ANP32B: variants seen among roughly 807,000 people sequenced by gnomAD.
ANP32B encodes the protein acidic leucine-rich nuclear phosphoprotein 32 family member B.
A neutral mutation model predicts 32.2 loss-of-function variants in ANP32B; 6 were observed. That is an observed-to-expected ratio of 0.19 (90% CI 0.10 to 0.37). ANP32B has a LOEUF of 0.37. ANP32B is among the 10% of genes least tolerant of loss of function. ANP32B has a pLI of 1.00. For missense variants in ANP32B, 204 were observed against 289.2 expected (o/e 0.71, Z 2.14); for synonymous variants, 98 against 105.8 (o/e 0.93, Z 0.45).
Position 97,983,538 on chromosome 9 carries a change from AG to A in ANP32B, c.-12del. 2.6e-6 allele frequency: 4 copies of A among 1,564,268 alleles called. No homozygotes were observed. The highest frequency in any genetic ancestry group is 1.4e-5 in the African/African-American group (1 of 72,596). ...CCGCCGCGGAAAGTTAAGTTTGAAG[AG>A]GGGGGAAGAGGGGAACATGGACATG... On this transcript the variant is annotated 5_prime_UTR_variant, in exon 1 of 7. Transcript: ENST00000339399.
At chr9:98,012,299 G>C in intron 5 of ANP32B, 122 bp from the exon 6 acceptor site, 1 of 1,166,870 alleles carries the variant, frequency 8.6e-7, no homozygotes, top group Non-Finnish European at 1.2e-6. Flanking sequence ...TAACATTACA[G>C]TTTCCTGCTT....
At chr9:97,990,391 C>T (rs1357046141) in intron 1 of ANP32B, among the ~76,000 whole-genome samples, 1 of 152,244 alleles carries the variant, frequency 6.6e-6, no homozygotes, top group African/African-American at 2.4e-5. Flanking sequence ...TTTAGACCTG[C>T]TATCCTTGGG....
intron 1 of ANP32B, 136 bp from the exon 2 acceptor site, chr9:97,994,494 CT>C: frequency 1.4e-6 from 1 of 731,512 alleles, no homozygotes; most frequent in South Asian, 2.0e-5. Context: ...CTTTTTATAA[CT>C]ATGATCTAGG....
chr9:97,987,840 C>T (rs1199200874), intron 1 of ANP32B, among the ~76,000 whole-genome samples: 1 of 152,142 alleles, frequency 6.6e-6, no homozygotes, highest in Non-Finnish European at 1.5e-5. Flanking sequence ...CAGCTTTTGA[C>T]CTCTTTTGTT....
intron 4 of ANP32B, among the ~76,000 whole-genome samples, chr9:98,008,972 A>G (rs1179090355): frequency 1.3e-5 from 2 of 152,188 alleles, no homozygotes; most frequent in Admixed American, 6.5e-5. Context: ...CTACTGCACT[A>G]CAGTCATCAT....
intron 2 of ANP32B, 46 bp downstream of exon 2, chr9:97,994,826 G>T: frequency 6.5e-7 from 1 of 1,537,482 alleles, no homozygotes; most frequent in Non-Finnish European, 8.8e-7. Context: ...TCCTGGGAAG[G>T]GAAAATGTAT....
chr9:98,002,496 T>C (rs1828009823), intron 3 of ANP32B: 1 of 152,262 alleles, frequency 6.6e-6, no homozygotes, highest in South Asian at 2.1e-4. Context: ...AATCAGTATT[T>C]ACACATTACA....
At chr9:98,013,444 C>T (rs1828221965) in intron 6 of ANP32B, among the ~76,000 whole-genome samples, 1 of 152,194 alleles carries the variant, frequency 6.6e-6, no homozygotes, top group Non-Finnish European at 1.5e-5. Context: ...ATTGAACCAT[C>T]ATTTTCAGGA....
chr9:98,015,320 A>G, intron 6 of ANP32B, 44 bp from the exon 7 acceptor site: 14 of 1,545,586 alleles, frequency 9.1e-6, no homozygotes, highest in Non-Finnish European at 1.2e-5. Context: ...ATCTAAGCAA[A>G]ATGCCTTTCC....
chr9:97,998,702 C>T, intron 3 of ANP32B, 24 bp downstream of exon 3: 2 of 1,501,978 alleles, frequency 1.3e-6, no homozygotes, highest in Non-Finnish European at 1.8e-6. Context: ...AATTTGGAAA[C>T]TGGAACTTAC....
chr9:98,015,190 C>T (rs759876541), intron 6 of ANP32B, among the ~76,000 whole-genome samples, 174 bp from the exon 7 acceptor site: 8 of 152,240 alleles, frequency 5.3e-5, no homozygotes, highest in African/African-American at 1.7e-4. Context: ...TTTTGCTTTT[C>T]TTGGTTCTGT....
chr9:98,004,357 G>T lies in ANP32B; in HGVS notation c.328-607G>T, dbSNP rs186723279. Reference sequence around the variant, plus strand: ...AAAAAGAAGAGTGCAATGTTTCTCCGTATTTCCGAAGTTTCAACTCTGCGC... The same window carrying T: ...AAAAAGAAGAGTGCAATGTTTCTCCTTATTTCCGAAGTTTCAACTCTGCGC... On this transcript the variant is annotated intron_variant, in intron 3 of 6. Coordinates refer to ENST00000339399, the MANE Select transcript of ANP32B (RefSeq NM_006401.3). 1.1e-3 allele frequency among the ~76,000 whole-genome samples: 163 copies of T among 152,220 alleles called. 1 individual carries two copies. Among genetic ancestry groups the T allele is most frequent in the Admixed American group, 1.9e-3 (29 of 15,288 alleles).
At chr9:98,013,688 C>G (rs1212185918) in intron 6 of ANP32B, among the ~76,000 whole-genome samples, 9 of 152,044 alleles carry the variant, frequency 5.9e-5, no homozygotes, top group Admixed American at 3.9e-4. Context: ...CACCTGAGGT[C>G]AGGAGTTCGA....
chr9:97,992,932 A>G (rs1827852186), intron 1 of ANP32B, among the ~76,000 whole-genome samples: 1 of 152,220 alleles, frequency 6.6e-6, no homozygotes, highest in Non-Finnish European at 1.5e-5. Context: ...AAACTGAGGC[A>G]CAGAGAAGTT....
intron 1 of ANP32B, among the ~76,000 whole-genome samples, chr9:97,985,419 G>A (rs1235708991): frequency 6.6e-6 from 1 of 152,180 alleles, no homozygotes; most frequent in African/African-American, 2.4e-5. Context: ...GGTCGCGGGC[G>A]TGCGTTCTTC....
intron 2 of ANP32B, among the ~76,000 whole-genome samples, chr9:97,998,114 A>AGTGT: frequency 6.6e-6 from 1 of 151,974 alleles, no homozygotes; most frequent in Middle Eastern, 3.4e-3. Flanking sequence ...AGAACTCTAC[A>AGTGT]GTGTATGTCA....
chr9:98,002,616 G>A lies in ANP32B; in HGVS notation c.328-2348G>A, dbSNP rs369857406. ...AGTACTACAGTTATTTGGGATTTTT[G>A]TTGTTTTCTTGCTTTCATTTCATTT... On this transcript the variant is annotated intron_variant, in intron 3 of 6. Coordinates refer to ENST00000339399, the MANE Select transcript of ANP32B (RefSeq NM_006401.3). Among the ~76,000 whole-genome samples the A allele has an allele frequency of 7.2e-5, 11 of 152,180 alleles. No individual in the cohort carries two copies. The East Asian group carries it at 1.5e-3, about 21-fold the overall frequency.
intron 4 of ANP32B, among the ~76,000 whole-genome samples, chr9:98,010,112 G>A (rs1290820321): frequency 2.0e-5 from 3 of 152,122 alleles, no homozygotes; most frequent in African/African-American, 7.2e-5. Flanking sequence ...TCCTTGGAAG[G>A]TGGGGGGCAG....
intron 2 of ANP32B, among the ~76,000 whole-genome samples, chr9:97,996,988 T>G (rs906350211): frequency 6.6e-6 from 1 of 152,218 alleles, no homozygotes; most frequent in Non-Finnish European, 1.5e-5. Flanking sequence ...TCTATTTCAT[T>G]TCAAAATAAA....
Sources: gnomAD v4.1 joint callset for allele counts (sites outside exome capture counted in the v4.1 genomes callset) on GRCh38, gnomAD v4.1.1 for gene constraint, MANE v1.5 for transcripts, NCBI Gene and HGNC (gene_info 2026-07-23, HGNC 2026-07-21) for gene names.